GPR158: variants seen among roughly 807,000 people sequenced by gnomAD.
The protein encoded by GPR158 is metabotropic glycine receptor.
A neutral mutation model predicts 78.2 loss-of-function variants in GPR158; 30 were observed. The ratio of observed to expected loss-of-function variants is 0.38; its 90% CI spans 0.29 to 0.52. The LOEUF (loss-of-function observed/expected upper bound fraction) is 0.52. Among genes scored for constraint, GPR158 ranks in the 20% least tolerant of loss-of-function variants. The pLI is 0.83. For synonymous variants in GPR158, 581 were observed against 591.1 expected (o/e 0.98, Z 0.25); for missense variants, 1,463 against 1,523.5 (o/e 0.96, Z 0.66).
intron 3 of GPR158, among the ~76,000 whole-genome samples, chr10:25,404,246 TTCTC>T (rs1359190960): frequency 6.6e-6 from 1 of 152,108 alleles, no homozygotes; most frequent in Non-Finnish European, 1.5e-5. Context: ...TGGTTTTGCT[TTCTC>T]TCTCTTTTAC....
chr10:25,374,736 C>A (rs7099328), intron 2 of GPR158, among the ~76,000 whole-genome samples: 1 of 151,482 alleles, frequency 6.6e-6, no homozygotes, highest in African/African-American at 2.4e-5. Flanking sequence ...TCGTGTGTTC[C>A]TTTTTTATTA....
At chr10:25,541,972 TA>T (rs1836593795) in intron 5 of GPR158, among the ~76,000 whole-genome samples, 1 of 147,628 alleles carries the variant, frequency 6.8e-6, no homozygotes, top group African/African-American at 2.5e-5. Context: ...TTATATATTA[TA>T]ATTATAAATT....
At chr10:25,191,449 T>C (rs1057231407) in intron 1 of GPR158, among the ~76,000 whole-genome samples, 1 of 152,236 alleles carries the variant, frequency 6.6e-6, no homozygotes, top group Non-Finnish European at 1.5e-5. Context: ...CCTGATAATA[T>C]GTTCCCAGGC....
intron 2 of GPR158, among the ~76,000 whole-genome samples, chr10:25,313,149 C>A (rs1211441656): frequency 6.7e-6 from 1 of 148,478 alleles, no homozygotes; most frequent in Non-Finnish European, 1.5e-5. Flanking sequence ...TACCTTTTTT[C>A]TAATATTAAG....
chr10:25,486,530 A>G (rs1052565333), intron 5 of GPR158, among the ~76,000 whole-genome samples: 2 of 152,120 alleles, frequency 1.3e-5, no homozygotes, highest in Non-Finnish European at 2.9e-5. Context: ...AACCCCGAAT[A>G]CGTTAGTCGA....
At chr10:25,478,352 G>A (rs1299916747) in intron 5 of GPR158, among the ~76,000 whole-genome samples, 1 of 151,968 alleles carries the variant, frequency 6.6e-6, no homozygotes, top group Non-Finnish European at 1.5e-5. Flanking sequence ...TATTTACAAA[G>A]TAGAACAAAA....
chr10:25,375,034 C>T (rs1564437562), intron 2 of GPR158, among the ~76,000 whole-genome samples: 1 of 151,638 alleles, frequency 6.6e-6, no homozygotes. Context: ...TTTAGTTTCT[C>T]TGTATTCTTG....
intron 2 of GPR158, among the ~76,000 whole-genome samples, chr10:25,270,533 G>A (rs184719954): frequency 3.9e-4 from 60 of 152,148 alleles, no homozygotes; most frequent in African/African-American, 1.2e-3. Context: ...TGTCCCAAAG[G>A]CACTTCAGAC....
intron 4 of GPR158, among the ~76,000 whole-genome samples, chr10:25,426,787 A>C (rs1038973362): frequency 1.7e-5 from 2 of 117,836 alleles, no homozygotes; most frequent in Non-Finnish European, 1.9e-5. Flanking sequence ...AAGTGAGCAC[A>C]TGCTGTTGGA....
At chr10:25,432,107 G>A (rs888352358) in intron 4 of GPR158, among the ~76,000 whole-genome samples, 1 of 152,110 alleles carries the variant, frequency 6.6e-6, no homozygotes, top group East Asian at 1.9e-4. Context: ...TTATATAGTA[G>A]CAAGGAATTA....
intron 2 of GPR158, among the ~76,000 whole-genome samples, chr10:25,310,833 A>G (rs779709932): frequency 6.6e-6 from 1 of 152,012 alleles, no homozygotes; most frequent in Non-Finnish European, 1.5e-5. Context: ...TATTTTTTCT[A>G]TAACTTGTAA....
In GPR158 at chr10:25,258,966, A is replaced by T. The variant is rs562317442; in HGVS notation, c.1008+37809A>T. ...AAAAGAAAATGTTACTAGGCAAATC[A>T]TAAGAGAGAAAATACATTTTTTATT... On this transcript the variant is annotated intron_variant, in intron 2 of 10. Transcript: ENST00000376351. Among the ~76,000 whole-genome samples the T allele has an allele frequency of 2.4e-4, 37 of 152,332 alleles. No individual in the cohort carries two copies. The South Asian group carries it at 7.7e-3, about 32-fold the overall frequency.
intron 7 of GPR158, among the ~76,000 whole-genome samples, chr10:25,573,337 G>T (rs1588918613): frequency 3.9e-5 from 6 of 152,274 alleles, no homozygotes; most frequent in Middle Eastern, 3.4e-3. Flanking sequence ...TAAAAATATT[G>T]TCTCTGCAAA....
intron 1 of GPR158, among the ~76,000 whole-genome samples, chr10:25,217,263 T>C (rs1853229894): frequency 6.6e-6 from 1 of 152,308 alleles, no homozygotes; most frequent in South Asian, 2.1e-4. Context: ...AACTTTAGGA[T>C]TTTTTTAGTC....
intron 5 of GPR158, among the ~76,000 whole-genome samples, chr10:25,539,999 G>A (rs1483864791): frequency 3.3e-5 from 5 of 152,132 alleles, no homozygotes; most frequent in Non-Finnish European, 5.9e-5. Context: ...TACCATCAGA[G>A]TGAACAGGCA....
chr10:25,248,841 A>G (rs1020877102), intron 2 of GPR158, among the ~76,000 whole-genome samples: 4 of 151,488 alleles, frequency 2.6e-5, no homozygotes, highest in African/African-American at 9.8e-5. Flanking sequence ...GTTTTTTCCA[A>G]TTCTGTGAAG....
chr10:25,516,397 G>C (rs1836174780), intron 5 of GPR158, among the ~76,000 whole-genome samples: 1 of 152,068 alleles, frequency 6.6e-6, no homozygotes, highest in African/African-American at 2.4e-5. Flanking sequence ...TGTCAATTTT[G>C]GCTTTTGCTG....
At chr10:25,335,673 T>A (rs1588806283) in intron 2 of GPR158, among the ~76,000 whole-genome samples, 1 of 152,050 alleles carries the variant, frequency 6.6e-6, no homozygotes, top group Non-Finnish European at 1.5e-5. Context: ...TTCTTGAAAT[T>A]TGTAAAACAA....
At chr10:25,286,607 T>G (rs1854354683) in intron 2 of GPR158, among the ~76,000 whole-genome samples, 1 of 152,176 alleles carries the variant, frequency 6.6e-6, no homozygotes, top group African/African-American at 2.4e-5. Context: ...TGTTGTTGTT[T>G]TTTTTTATTT....
Sources: gnomAD v4.1 joint callset for allele counts (sites outside exome capture counted in the v4.1 genomes callset) on GRCh38, gnomAD v4.1.1 for gene constraint, MANE v1.5 for transcripts, NCBI Gene and HGNC (gene_info 2026-07-23, HGNC 2026-07-21) for gene names.